Variants in PALLD observed in about 807,000 individuals in gnomAD.
The protein encoded by PALLD is palladin, cytoskeletal associated protein, also known as palladin.
A neutral mutation model predicts 123.5 loss-of-function variants in PALLD; 61 were observed. That is an observed-to-expected ratio of 0.49 (90% CI 0.40 to 0.61). The LOEUF is 0.61. Among genes scored for constraint, PALLD ranks in the 20% least tolerant of loss-of-function variants. PALLD has a pLI of 0.00. For missense variants in PALLD, 1,273 were observed against 1,377.0 expected (o/e 0.92, Z 1.20); for synonymous variants, 465 against 496.4 (o/e 0.94, Z 0.84).
chr4:168,739,019 G>T (rs1323536314), intron 10 of PALLD, among the ~76,000 whole-genome samples: 3 of 152,132 alleles, frequency 2.0e-5, no homozygotes, highest in Non-Finnish European at 2.9e-5. Flanking sequence ...AGTGGAACAT[G>T]CAATATTTGT....
intron 10 of PALLD, among the ~76,000 whole-genome samples, chr4:168,776,912 C>T (rs1389343985): frequency 6.6e-6 from 1 of 152,064 alleles, no homozygotes; most frequent in East Asian, 1.9e-4. Flanking sequence ...ATTCCCAGTA[C>T]ACTTGATAAT....
At chr4:168,573,051 C>T (rs565418831) in intron 2 of PALLD, among the ~76,000 whole-genome samples, 979 of 83,236 alleles carry the variant, frequency 0.012, 15 homozygotes, top group Non-Finnish European at 0.01. Context: ...CCACCCTCAT[C>T]TACCACTCTT....
intron 10 of PALLD, among the ~76,000 whole-genome samples, chr4:168,787,847 C>T (rs1235465507): frequency 3.3e-5 from 5 of 152,152 alleles, no homozygotes; most frequent in African/African-American, 7.2e-5. Flanking sequence ...AGCACCGGCT[C>T]GAGAGAGCAG....
chr4:168,630,062 T>A (rs1177693632), intron 2 of PALLD, among the ~76,000 whole-genome samples: 1 of 152,176 alleles, frequency 6.6e-6, no homozygotes, highest in African/African-American at 2.4e-5. Context: ...CCCTCCAAAT[T>A]TTTCCTTCCT....
At chr4:168,906,733 T>C (rs759322000) in intron 15 of PALLD, among the ~76,000 whole-genome samples, 13 of 152,096 alleles carry the variant, frequency 8.5e-5, no homozygotes, top group Non-Finnish European at 1.5e-4. Flanking sequence ...CAAGCAGTCC[T>C]CCCATCTCAG....
chr4:168,566,516 T>A (rs892947013), intron 2 of PALLD, among the ~76,000 whole-genome samples: 2 of 152,080 alleles, frequency 1.3e-5, no homozygotes, highest in African/African-American at 4.8e-5. Flanking sequence ...CAGGCTGGTC[T>A]CAAACTCCTA....
At chr4:168,671,903 A>G (rs968994588) in intron 3 of PALLD, among the ~76,000 whole-genome samples, 1 of 152,232 alleles carries the variant, frequency 6.6e-6, no homozygotes, top group African/African-American at 2.4e-5. Flanking sequence ...AGCCATCTCT[A>G]AAAGTTTAAC....
intron 3 of PALLD, among the ~76,000 whole-genome samples, chr4:168,677,586 G>T (rs1371069056): frequency 6.6e-6 from 1 of 152,186 alleles, no homozygotes; most frequent in East Asian, 1.9e-4. Flanking sequence ...TCGCTACCTT[G>T]AGAGTGTGTG....
At chr4:168,880,910 TTTC>T (rs1214280765) in intron 10 of PALLD, among the ~76,000 whole-genome samples, 1 of 152,214 alleles carries the variant, frequency 6.6e-6, no homozygotes, top group Non-Finnish European at 1.5e-5. Context: ...TTTCTTTTCT[TTTC>T]TTTTCTTTTT....
intron 21 of PALLD, among the ~76,000 whole-genome samples, chr4:168,925,837 C>G (rs1052391853): frequency 2.6e-5 from 4 of 152,108 alleles, no homozygotes; most frequent in African/African-American, 7.2e-5. Context: ...TTAAAGCATC[C>G]ACATCCAGCA....
chr4:168,728,951 C>T (rs1224721697), intron 10 of PALLD, among the ~76,000 whole-genome samples: 1 of 152,082 alleles, frequency 6.6e-6, no homozygotes, highest in Non-Finnish European at 1.5e-5. Context: ...ATTGCTCTGG[C>T]TAGGACATCT....
chr4:168,687,085 A>G (rs1782138154), intron 6 of PALLD, among the ~76,000 whole-genome samples: 1 of 152,214 alleles, frequency 6.6e-6, no homozygotes, highest in Admixed American at 6.5e-5. Context: ...ATTCCTAGTA[A>G]ACTAAAGACA....
At chr4:168,498,372 C>A (rs1760977295) in intron 1 of PALLD, among the ~76,000 whole-genome samples, 1 of 152,140 alleles carries the variant, frequency 6.6e-6, no homozygotes, top group Non-Finnish European at 1.5e-5. Flanking sequence ...TAAAACTGGC[C>A]TTATAGCATA....
intron 10 of PALLD, among the ~76,000 whole-genome samples, chr4:168,847,713 T>C (rs1747082409): frequency 6.6e-6 from 1 of 152,170 alleles, no homozygotes; most frequent in Admixed American, 6.5e-5. Flanking sequence ...TAGGTGTGTA[T>C]ATGGGCTATT....
intron 10 of PALLD, among the ~76,000 whole-genome samples, chr4:168,871,040 G>A (rs1751005813): frequency 6.6e-6 from 1 of 152,166 alleles, no homozygotes; most frequent in African/African-American, 2.4e-5. Flanking sequence ...CAGCGAAGTG[G>A]GAGGATTGCT....
chr4:168,714,713 A>G (rs73864625), intron 10 of PALLD, among the ~76,000 whole-genome samples: 9,146 of 152,256 alleles, frequency 0.06, 822 homozygotes, highest in African/African-American at 0.19. Flanking sequence ...CAGTTTGTGC[A>G]TCTCCATCAT....
At chr4:168,875,529 CT>C (rs1370156062) in intron 10 of PALLD, among the ~76,000 whole-genome samples, 1 of 152,164 alleles carries the variant, frequency 6.6e-6, no homozygotes, top group Non-Finnish European at 1.5e-5. Flanking sequence ...CCTCCAGTCC[CT>C]GCATATTATA....
chr4:168,529,541 C>A (rs539704338), intron 2 of PALLD, among the ~76,000 whole-genome samples: 82 of 152,166 alleles, frequency 5.4e-4, no homozygotes, highest in African/African-American at 1.7e-3. Flanking sequence ...AGTTTTCCCC[C>A]CAAAGAAATG....
intron 8 of PALLD, among the ~76,000 whole-genome samples, chr4:168,693,781 G>T (rs1236740150): frequency 6.6e-6 from 1 of 152,256 alleles, no homozygotes; most frequent in East Asian, 1.9e-4. Context: ...GACACGACGA[G>T]ACTTTCTTCT....
Sources: allele counts gnomAD v4.1 joint callset (sites outside exome capture counted in the v4.1 genomes callset), GRCh38; gene constraint gnomAD v4.1.1; transcripts MANE v1.5; gene names NCBI Gene and HGNC (gene_info 2026-07-23, HGNC 2026-07-21).